MITF: variants seen among roughly 807,000 people sequenced by gnomAD.
MITF encodes the protein melanocyte inducing transcription factor.
In MITF, 17 loss-of-function variants were observed where a neutral mutation model predicts 60.5. The observed-to-expected ratio is 0.28, with a 90% CI of 0.19 to 0.42. The LOEUF (loss-of-function observed/expected upper bound fraction) is 0.42, where lower values mean the gene tolerates loss of function less well. Ranked by LOEUF, MITF falls within the 10% of genes least tolerant of loss-of-function variation. The probability of loss-of-function intolerance (pLI) is 1.00; values close to 1 mark genes in which losing one functional copy is unlikely to be tolerated. For synonymous variants in MITF, 260 were observed against 248.5 expected (o/e 1.05, Z -0.43); for missense variants, 622 against 683.5 (o/e 0.91, Z 1.00).
rs564995300 is a variant in MITF at position 69,761,421 on chromosome 3, C to T, written c.104+21720C>T. Among the ~76,000 whole-genome samples the T allele has an allele frequency of 9.9e-5, 15 of 152,198 alleles. No homozygotes were observed. In the East Asian group the frequency reaches 1.2e-3, roughly 12 times the overall value. ...TTAAGTTACTCAAATAAGGTTGAAC[C>T]GCGATTCAAACTGAGGACTGTCTGA... is the stretch of plus-strand genomic sequence containing the variant. On this transcript the variant is annotated intron_variant, in intron 1 of 9. Transcript: ENST00000352241.
At chr3:69,899,183 G>A (rs1394467460) in intron 2 of MITF, among the ~76,000 whole-genome samples, 4 of 152,198 alleles carry the variant, frequency 2.6e-5, no homozygotes, top group African/African-American at 9.7e-5. Context: ...AAGCTGTGGT[G>A]AGAGAAAATT....
At chr3:69,933,928 A>G (rs1213297013) in intron 2 of MITF, among the ~76,000 whole-genome samples, 1 of 152,202 alleles carries the variant, frequency 6.6e-6, no homozygotes, top group African/African-American at 2.4e-5. Flanking sequence ...ACAGAAAATT[A>G]TATTTATATG....
intron 1 of MITF, among the ~76,000 whole-genome samples, chr3:69,870,347 T>C (rs2064205372): frequency 6.7e-6 from 1 of 149,708 alleles, no homozygotes; most frequent in South Asian, 2.1e-4. Context: ...CATGTGTGTA[T>C]ATATGTATGT....
intron 1 of MITF, among the ~76,000 whole-genome samples, chr3:69,856,751 T>C (rs930764357): frequency 6.6e-6 from 1 of 152,182 alleles, no homozygotes; most frequent in African/African-American, 2.4e-5. Flanking sequence ...GAAGTATAAA[T>C]TGTGTTGATA....
At chr3:69,875,831 G>A (rs952688714) in intron 1 of MITF, among the ~76,000 whole-genome samples, 2 of 152,224 alleles carry the variant, frequency 1.3e-5, no homozygotes, top group African/African-American at 4.8e-5. Context: ...AAGATTGAGA[G>A]CAAAGCTGAG....
chr3:69,939,092 TTGCAGGGA>T lies in MITF; in HGVS notation c.583-4_586del. On this transcript the variant is annotated splice_acceptor_variant and splice_polypyrimidine_tract_variant and coding_sequence_variant and intron_variant, in exon 4 of 10. Transcript: ENST00000352241. LOFTEE classifies it high-confidence loss of function. ...TTATAGACTGTTTTTGCTTGTGTTTTTGCAGGGATTTTATAAGTTTGAAGAGCAAAACA... is the reference window on the plus strand; with the variant it reads ...TTATAGACTGTTTTTGCTTGTGTTTTTTTTATAAGTTTGAAGAGCAAAACA... 6.2e-7 allele frequency: 1 copy of T among 1,613,908 alleles called. No homozygotes were observed. The highest frequency in any genetic ancestry group is 1.1e-5 in the South Asian group (1 of 91,008).
intron 2 of MITF, among the ~76,000 whole-genome samples, chr3:69,909,711 T>C (rs1248870252): frequency 1.3e-5 from 2 of 152,174 alleles, no homozygotes; most frequent in East Asian, 1.9e-4. Context: ...CCCTAGAGAT[T>C]TGTGGAACTT....
intron 1 of MITF, among the ~76,000 whole-genome samples, chr3:69,756,691 A>G (rs186253587): frequency 6.6e-6 from 1 of 152,110 alleles, no homozygotes; most frequent in African/African-American, 2.4e-5. Context: ...CTGGTTCTAG[A>G]TCCTTGAGGA....
chr3:69,833,675 G>A (rs2063491313), intron 1 of MITF, among the ~76,000 whole-genome samples: 1 of 42,478 alleles, frequency 2.4e-5, no homozygotes, highest in Admixed American at 1.9e-4. Flanking sequence ...TGTTTACACT[G>A]TATGTGGTTC....
chr3:69,844,485 G>A (rs945554883), intron 1 of MITF, among the ~76,000 whole-genome samples: 2 of 152,114 alleles, frequency 1.3e-5, no homozygotes, highest in Non-Finnish European at 1.5e-5. Context: ...ATGGATTAAA[G>A]ACTTAAACAT....
chr3:69,880,061 C>A (rs564753867), intron 2 of MITF, among the ~76,000 whole-genome samples: 48 of 152,252 alleles, frequency 3.2e-4, no homozygotes, highest in Non-Finnish European at 6.5e-4. Flanking sequence ...GGGAGATACT[C>A]CTTGTTTAAG....
intron 2 of MITF, among the ~76,000 whole-genome samples, chr3:69,913,094 AT>A (rs1437829934): frequency 6.6e-6 from 1 of 152,140 alleles, no homozygotes; most frequent in Non-Finnish European, 1.5e-5. Flanking sequence ...GCAGAAAAAT[AT>A]GTATCATGTA....
intron 1 of MITF, among the ~76,000 whole-genome samples, chr3:69,807,216 G>A (rs2106976670): frequency 6.6e-6 from 1 of 152,218 alleles, no homozygotes; most frequent in African/African-American, 2.4e-5. Flanking sequence ...CAATTCCTGT[G>A]GTACATTATA....
intron 5 of MITF, among the ~76,000 whole-genome samples, chr3:69,946,939 C>G (rs1369467727): frequency 6.6e-6 from 1 of 152,138 alleles, no homozygotes; most frequent in Non-Finnish European, 1.5e-5. Context: ...GTCCATCTCG[C>G]TGTCTATGGC....
At chr3:69,758,426 G>A (rs2062163034) in intron 1 of MITF, among the ~76,000 whole-genome samples, 1 of 152,002 alleles carries the variant, frequency 6.6e-6, no homozygotes, top group Non-Finnish European at 1.5e-5. Context: ...CTGCCTCAGA[G>A]TCCCAAAGCA....
At chr3:69,895,856 GT>G (rs779131618) in intron 2 of MITF, among the ~76,000 whole-genome samples, 13 of 150,932 alleles carry the variant, frequency 8.6e-5, no homozygotes, top group Non-Finnish European at 1.2e-4. Flanking sequence ...GTGTATGTGT[GT>G]GTTTTGACAA....
intron 2 of MITF, among the ~76,000 whole-genome samples, chr3:69,928,912 C>T (rs955705063): frequency 8.5e-5 from 13 of 152,140 alleles, no homozygotes; most frequent in African/African-American, 3.1e-4. Context: ...GCCCTACTGG[C>T]TTGTTGTACT....
In MITF at chr3:69,967,539, A is replaced by G; in HGVS notation, c.*2291A>G. 4.3e-6 allele frequency: 1 copy of G among 233,536 alleles called. No individual in the cohort carries two copies. Among genetic ancestry groups the G allele is most frequent in the Non-Finnish European group, 8.5e-6 (1 of 117,888 alleles). The allele number at this position is 233,536 out of a possible 1,614,324, so 14.5% of individuals were successfully genotyped here. On this transcript the variant is annotated 3_prime_UTR_variant, in exon 10 of 10. Transcript: ENST00000352241. ...ACGGGAACAGGACCATGGTTAAGCA[A>G]CCATATAGAAAGCTTTGTTGAAAGA...
intron 1 of MITF, among the ~76,000 whole-genome samples, chr3:69,778,176 A>C (rs2062505208): frequency 6.6e-6 from 1 of 152,136 alleles, no homozygotes. Context: ...TAGATTTCTC[A>C]CATGGGCAGG....
Sources: gnomAD v4.1 joint callset for allele counts (sites outside exome capture counted in the v4.1 genomes callset) on GRCh38, gnomAD v4.1.1 for gene constraint, MANE v1.5 for transcripts, NCBI Gene and HGNC (gene_info 2026-07-23, HGNC 2026-07-21) for gene names.